VWA7: variants seen among roughly 807,000 people sequenced by gnomAD.
The protein encoded by VWA7 is von Willebrand factor A domain containing 7.
A neutral mutation model predicts 83.1 loss-of-function variants in VWA7; 66 were observed. That is an observed-to-expected ratio of 0.79 (90% CI 0.65 to 0.98). The LOEUF (loss-of-function observed/expected upper bound fraction) is 0.98. Among genes scored for constraint, VWA7 ranks in the 50% least tolerant of loss-of-function variants. The pLI, the probability that VWA7 is intolerant of heterozygous loss-of-function variation, is 0.00. For synonymous variants in VWA7, 424 were observed against 488.5 expected, an observed-to-expected ratio of 0.87 and a Z score of 1.74; for missense variants, 1,080 against 1,160.2, an observed-to-expected ratio of 0.93 and a Z score of 1.00.
At position 31,765,959 on chromosome 6, in the gene VWA7, G is replaced by T. The variant is rs770242653; in HGVS notation, c.2423C>A (p.Ala808Glu). 1.2e-6 allele frequency: 2 copies of T among 1,613,112 alleles called. No homozygotes were observed. Among genetic ancestry groups the T allele is most frequent in the Non-Finnish European group, 1.7e-6 (2 of 1,180,036 alleles). Residue 808 changes from alanine (A) to glutamate (E), a missense_variant, in exon 16 of 17, where the codon GCA becomes GAA. By Grantham distance (107) the Ala-to-Glu change is moderately radical. Transcript: ENST00000375688. ...PDSVVMVTVT[A>E]GGREANPVPP... The stretch of plus-strand genomic sequence containing the variant: ...TACTGGGTTGGCTTCTCGTCCCCCT[G>T]CAGTCACAGTCACCATCACCACGGA...
chr6:31,770,998 CCTCT>C (rs1369013489), intron 7 of VWA7, among the ~76,000 whole-genome samples: 30 of 143,508 alleles, frequency 2.1e-4, no homozygotes, highest in African/African-American at 7.0e-4. Flanking sequence ...TGAGACTCTC[CCTCT>C]CTCTCTCTCA....
chr6:31,777,172 A>G lies in VWA7; in HGVS notation c.-79T>C. 1 of 372,894 alleles carries G rather than the reference A, an allele frequency of 2.7e-6. No homozygotes were observed. The highest frequency in any genetic ancestry group is 4.9e-6 in the Non-Finnish European group (1 of 205,644). The allele number at this position is 372,894 out of a possible 1,614,324, so 23.1% of individuals were successfully genotyped here. Reference sequence around the variant, plus strand: ...TGACGTCACAGGGCACTTAGGTCAGAGTTATAATTAACCGAGGCTCAGCAG... The same window carrying G: ...TGACGTCACAGGGCACTTAGGTCAGGGTTATAATTAACCGAGGCTCAGCAG... On this transcript the variant is annotated 5_prime_UTR_variant, in exon 1 of 17. Coordinates refer to ENST00000375688, the MANE Select transcript of VWA7 (RefSeq NM_025258.3). The surrounding 1 kb of genome is among the most constrained non-coding windows in gnomAD (Gnocchi z 5.8).
In VWA7 at chr6:31,777,210, G is replaced by T; in HGVS notation, c.-117C>A. On this transcript the variant is annotated 5_prime_UTR_variant, in exon 1 of 17. Transcript: ENST00000375688. This position sits in a 1 kb window ranked among gnomAD's most constrained non-coding sequence, Gnocchi z 5.8. Reference sequence around the variant, plus strand: ...CGAGGCTCAGCAGAGGGGGAGGAAGGCCTCAACAGGGTGGGGGAGGACAGG... The same window carrying T: ...CGAGGCTCAGCAGAGGGGGAGGAAGTCCTCAACAGGGTGGGGGAGGACAGG... 2.5e-6 allele frequency: 1 copy of T among 400,354 alleles called. No individual in the cohort carries two copies. The highest frequency in any genetic ancestry group is 4.5e-6 in the Non-Finnish European group (1 of 221,028). The allele number at this position is 400,354 out of a possible 1,614,324, so 24.8% of individuals were successfully genotyped here. A position where few individuals can be genotyped will look rare whatever the true frequency, so the allele number is the denominator to read the frequency against.
Position 31,767,617 on chromosome 6 carries a change from G to A in VWA7, c.1636+5C>T. 6.2e-7 allele frequency: 1 copy of A among 1,608,452 alleles called. No individual in the cohort carries two copies. ...CCCCTCTCTTCCCTCTACCTTCAGA[G>A]GTACCTGCAGGGTTCTTGATCCAGA... is the stretch of plus-strand genomic sequence containing the variant. On this transcript the variant is annotated splice_donor_5th_base_variant and intron_variant, in intron 11 of 16. Transcript: ENST00000375688.
At position 31,766,714 on chromosome 6, in the gene VWA7, T is replaced by C; in HGVS notation, c.1933A>G (p.Asn645Asp). ...AAATGCGGCTGAGGATCCCCAGGATTGGCTCTGGAACCCAACCCTGTCACT... is the reference window on the plus strand; with the variant it reads ...AAATGCGGCTGAGGATCCCCAGGATCGGCTCTGGAACCCAACCCTGTCACT... The part of the protein sequence containing the change: ...VEVTGLGSRA[N>D]PGDPQPHFSH... Residue 645 changes from asparagine to aspartate, a missense_variant, in exon 14 of 17, where the codon AAT (asparagine) becomes GAT (aspartate). Transcript: ENST00000375688. This position sits in a 1 kb window ranked among gnomAD's most constrained non-coding sequence, Gnocchi z 4.9. 6.2e-7 allele frequency: 1 copy of C among 1,612,168 alleles called. No individual in the cohort carries two copies. The highest frequency in any genetic ancestry group is 8.5e-7 in the Non-Finnish European group (1 of 1,179,364).
Position 31,773,072 on chromosome 6 carries a change from C to A in VWA7, c.969G>T (p.Thr323=). 1 of 1,612,240 alleles carries A rather than the reference C, an allele frequency of 6.2e-7. No homozygotes were observed. The highest frequency in any genetic ancestry group is 8.5e-7 in the Non-Finnish European group (1 of 1,179,734). ...ASSLSFVLDT[T]GSMGEEINAA... The stretch of plus-strand genomic sequence containing the variant: ...CGTTGATCTCCTCACCCATGCTGCC[C>A]GTGGTGTCCAGGACAAAGCTCAGGC... Residue 323 remains threonine (T), a synonymous_variant, in exon 7 of 17, where the codon ACG becomes ACT. Coordinates refer to ENST00000375688, the MANE Select transcript of VWA7 (RefSeq NM_025258.3). This position sits in a 1 kb window ranked among gnomAD's most constrained non-coding sequence, Gnocchi z 5.3.
At chr6:31,772,575 C>T (rs368664265) in intron 7 of VWA7, among the ~76,000 whole-genome samples, 155 of 85,146 alleles carry the variant, frequency 1.8e-3, no homozygotes, top group Admixed American at 2.6e-3. Flanking sequence ...TTTTTTTTTT[C>T]TTTCTTTTCT....
At position 31,769,368 on chromosome 6, in the gene VWA7, C is replaced by A. The variant is rs1811947552; in HGVS notation, c.1318-165G>T. Among the ~76,000 whole-genome samples the A allele has an allele frequency of 6.6e-6, 1 of 152,198 alleles. No individual in the cohort carries two copies. The highest frequency in any genetic ancestry group is 1.5e-5 in the Non-Finnish European group (1 of 68,034). ...GGAATCCCAATGACAGAACCCCCTG[C>A]CTTCAGTTAGTAGTTGGCCACCCCC... On this transcript the variant is annotated intron_variant, in intron 9 of 16. Coordinates refer to ENST00000375688, the MANE Select transcript of VWA7 (RefSeq NM_025258.3). This position sits in a 1 kb window ranked among gnomAD's most constrained non-coding sequence, Gnocchi z 4.5.
chr6:31,772,557 A>ATCTTT, intron 7 of VWA7, among the ~76,000 whole-genome samples: 1 of 58,652 alleles, frequency 1.7e-5, no homozygotes, highest in South Asian at 4.7e-4. Flanking sequence ...TTACCTTTTT[A>ATCTTT]TCTTTTCTTT....
At position 31,765,912 on chromosome 6, in the gene VWA7, G is replaced by A. The variant is rs28399998; in HGVS notation, c.2470C>T (p.Arg824Trp). The A allele has an allele frequency of 8.3e-5, 134 of 1,613,142 alleles. 1 individual carries two copies. In the Admixed American group the frequency reaches 1.7e-3, roughly 20 times the overall value. ...NPVPPTHAFL[R>W]LLVSAPAPQD... is the part of the protein sequence containing the mutation. ...GGGGCTGGGGCCGATACCAGGAGCC[G>A]GAGGAAAGCATGAGTCGGGGGTACT... The change falls in exon 16 of 17, where the codon CGG (arginine) becomes TGG (tryptophan). Residue 824 changes from arginine to tryptophan, a missense_variant. By Grantham distance (101) the Arg-to-Trp change is moderately radical. Transcript: ENST00000375688.
intron 7 of VWA7, among the ~76,000 whole-genome samples, chr6:31,772,509 C>A (rs1258379198): frequency 6.6e-6 from 1 of 151,400 alleles, no homozygotes; most frequent in Non-Finnish European, 1.5e-5. Flanking sequence ...CAGGAAGTGC[C>A]ACCCCGAGCC....
rs200733311 is a variant in VWA7 at position 31,769,733 on chromosome 6, G to T, written c.1259C>A (p.Pro420His). ...SDIFVFTDASPKDAFLTNQVE... is the reference protein window; with the variant it reads ...SDIFVFTDASHKDAFLTNQVE... Reference sequence around the variant, plus strand: ...CTGGTTGGTGAGAAAGGCATCCTTGGGGGAGGCATCCGTGAAGACAAAGAT... The same window carrying T: ...CTGGTTGGTGAGAAAGGCATCCTTGTGGGAGGCATCCGTGAAGACAAAGAT... Residue 420 changes from proline (P) to histidine (H), a missense_variant, in exon 9 of 17, where the codon CCC becomes CAC. Physicochemically the swap from Pro to His is moderately conservative, Grantham distance 77. Coordinates refer to ENST00000375688, the MANE Select transcript of VWA7 (RefSeq NM_025258.3). This position sits in a 1 kb window ranked among gnomAD's most constrained non-coding sequence, Gnocchi z 4.5. The T allele has an allele frequency of 6.2e-7, 1 of 1,613,076 alleles. No homozygotes were observed.
Position 31,767,695 on chromosome 6 carries a change from C to G in VWA7, c.1563G>C (p.Val521=). The change falls in exon 11 of 17, where the codon GTG becomes GTC. Residue 521 remains valine (V), a synonymous_variant. Coordinates refer to ENST00000375688, the MANE Select transcript of VWA7 (RefSeq NM_025258.3). ...CTGTGATCTTCTGGAGCAGCCCATC[C>G]ACGCTGAACACAAGTGGCTGCCCAG... The part of the protein sequence containing the change: ...VVPGQPLVFS[V]DGLLQKITVR... 1 of 1,613,508 alleles carries G rather than the reference C, an allele frequency of 6.2e-7. No homozygotes were observed. The highest frequency in any genetic ancestry group is 1.1e-5 in the South Asian group (1 of 91,076).
In VWA7 at chr6:31,776,387, G is replaced by T; in HGVS notation, c.235-145C>A. On this transcript the variant is annotated intron_variant, in intron 2 of 16. Coordinates refer to ENST00000375688, the MANE Select transcript of VWA7 (RefSeq NM_025258.3). This position sits in a 1 kb window ranked among gnomAD's most constrained non-coding sequence, Gnocchi z 6.2. ...GGACAGTCCCGGACCTTTCTAAGGAGGGGGACTCCTAATTTCAGGACCAAG... is the reference window on the plus strand; with the variant it reads ...GGACAGTCCCGGACCTTTCTAAGGATGGGGACTCCTAATTTCAGGACCAAG... 7.7e-7 allele frequency: 1 copy of T among 1,293,246 alleles called. No individual in the cohort carries two copies. The highest frequency in any genetic ancestry group is 1.0e-6 in the Non-Finnish European group (1 of 955,624). 80.1% of individuals were successfully genotyped at this position (1,293,246 alleles called of 1,614,324 possible). A position where few individuals can be genotyped will look rare whatever the true frequency, so the allele number is the denominator to read the frequency against.
In VWA7 at chr6:31,765,693, C is replaced by A. The variant is rs1168418187; in HGVS notation, c.2577G>T (p.Leu859Phe). The A allele has an allele frequency of 1.9e-6, 3 of 1,599,960 alleles. No individual in the cohort carries two copies. Among genetic ancestry groups the A allele is most frequent in the Non-Finnish European group, 2.6e-6 (3 of 1,173,444 alleles). Residue 859 changes from leucine to phenylalanine, a missense_variant, in exon 17 of 17, where the codon TTG becomes TTT. Leu to Phe is a conservative substitution (Grantham distance 22). Transcript: ENST00000375688. ...CTGCCCCAGCCCTGCCTTGAGTCAC[C>A]AATGTGAAGGGGGAAAAGGCAGGGG... is the stretch of plus-strand genomic sequence containing the variant. ...TATPAFSPFT[L>F]VTQGRAGAGL... is the part of the protein sequence containing the mutation.
chr6:31,776,752 G>A lies in VWA7; in HGVS notation c.28C>T (p.His10Tyr). 6.9e-7 allele frequency: 1 copy of A among 1,453,546 alleles called. No individual in the cohort carries two copies. The highest frequency in any genetic ancestry group is 9.1e-7 in the Non-Finnish European group (1 of 1,096,998). 90.0% of individuals were successfully genotyped at this position (1,453,546 alleles called of 1,614,324 possible). ...AGAAGCAACGCTGAGGGGCCCGGGT[G>A]GGATTGGGGGACCTCCGTGGGGAGC... Reference protein sequence around the residue: MLPTEVPQSHPGPSALLLLQ... With the variant: MLPTEVPQSYPGPSALLLLQ... The change falls in exon 2 of 17, where the codon CAC becomes TAC. Residue 10 changes from histidine (H) to tyrosine (Y), a missense_variant. By Grantham distance (83) the His-to-Tyr change is moderately conservative. Coordinates refer to ENST00000375688, the MANE Select transcript of VWA7 (RefSeq NM_025258.3). The surrounding 1 kb of genome is among the most constrained non-coding windows in gnomAD (Gnocchi z 6.2).
At chr6:31,772,884 C>G (rs548128125) in intron 7 of VWA7, 70 bp downstream of exon 7, 296 of 1,529,964 alleles carry the variant, frequency 1.9e-4, no homozygotes, top group Admixed American at 8.6e-4. Flanking sequence ...CAGGCGTGAG[C>G]CACCACGCCC....
intron 7 of VWA7, among the ~76,000 whole-genome samples, chr6:31,771,011 C>CAAAAAAAAAAAAAAAA: frequency 1.3e-5 from 1 of 79,062 alleles, no homozygotes; most frequent in East Asian, 3.4e-4. Flanking sequence ...CTCTCTCTCT[C>CAAAAAAAAAAAAAAAA]AAAAAAAAAA....
Position 31,773,288 on chromosome 6 carries a change from C to T in VWA7, c.871G>A (p.Ala291Thr). ...AKLALLASIQ[A>T]FSLLRSRLGD... The stretch of plus-strand genomic sequence containing the variant: ...AGGCGGCTTCGCAGAAGGCTGAAGG[C>T]CTGGATGGAGGCTAGAAGGGCCAGT... The change falls in exon 6 of 17, where the codon GCC (alanine) becomes ACC (threonine). Residue 291 changes from alanine to threonine, a missense_variant. Physicochemically the swap from Ala to Thr is moderately conservative, Grantham distance 58. Coordinates refer to ENST00000375688, the MANE Select transcript of VWA7 (RefSeq NM_025258.3). The surrounding 1 kb of genome is among the most constrained non-coding windows in gnomAD (Gnocchi z 5.3). The T allele has an allele frequency of 8.7e-6, 14 of 1,608,454 alleles. No homozygotes were observed. Among genetic ancestry groups the T allele is most frequent in the Non-Finnish European group, 1.2e-5 (14 of 1,177,670 alleles).
Sources: gnomAD v4.1 joint callset for allele counts (sites outside exome capture counted in the v4.1 genomes callset) on GRCh38, gnomAD v4.1.1 for gene constraint, Gnocchi (gnomAD v3.1) non-coding constraint, MANE v1.5 for transcripts, NCBI Gene and HGNC (gene_info 2026-07-23, HGNC 2026-07-21) for gene names.